Variants in CFLAR observed in about 807,000 individuals in gnomAD.
CFLAR encodes CASP8 and FADD-like apoptosis regulator.
Under a neutral mutation model 51.1 loss-of-function variants are expected in CFLAR, and 14 were observed. The observed-to-expected ratio is 0.27, with a 90% CI of 0.18 to 0.43. The LOEUF (loss-of-function observed/expected upper bound fraction) is 0.43, where lower values mean the gene tolerates loss of function less well. Ranked by LOEUF, CFLAR falls within the 20% of genes least tolerant of loss-of-function variation. The pLI, the probability that CFLAR is intolerant of heterozygous loss-of-function variation, is 1.00. For missense variants in CFLAR, 390 were observed against 566.5 expected, an observed-to-expected ratio of 0.69 and a Z score of 3.16; for synonymous variants, 210 against 211.6, an observed-to-expected ratio of 0.99 and a Z score of 0.06.
At chr2:201,151,059 T>C (rs915306137) in intron 8 of CFLAR, 3 of 152,208 alleles carry the variant, frequency 2.0e-5, no homozygotes, top group Non-Finnish European at 4.4e-5. Flanking sequence ...AAAGCTTTCC[T>C]GGGAACATTA....
At chr2:201,125,841 C>G (rs1326937642) in intron 1 of CFLAR, among the ~76,000 whole-genome samples, 3 of 152,066 alleles carry the variant, frequency 2.0e-5, no homozygotes, top group Non-Finnish European at 4.4e-5. Flanking sequence ...TCGGAACTTG[C>G]TACTGGAGGT....
rs779928815 is a variant in CFLAR, at chr2:201,130,151, T to A, written c.281+5T>A. ...TCACCTTGTTTCGGACTATAGGTAA[T>A]TCATCAACTCTTCCTGAGGCTGGGT... On this transcript the variant is annotated splice_donor_5th_base_variant and intron_variant, in intron 2 of 9. Transcript: ENST00000309955. The A allele has an allele frequency of 1.0e-6, 1 of 987,610 alleles. No homozygotes were observed. The highest frequency in any genetic ancestry group is 1.4e-6 in the Non-Finnish European group (1 of 714,258). 61.2% of individuals were successfully genotyped at this position (987,610 alleles called of 1,614,324 possible).
chr2:201,123,402 G>A (rs2048374392), intron 1 of CFLAR, among the ~76,000 whole-genome samples: 1 of 152,206 alleles, frequency 6.6e-6, no homozygotes, highest in Admixed American at 6.5e-5. Flanking sequence ...AGATCAAGGT[G>A]CTGACATCTG....
At position 201,160,934 on chromosome 2, in the gene CFLAR, A is replaced by G. The variant is rs779340372; in HGVS notation, c.1296A>G (p.Arg432=). ...TGCAGTGCCTCTCCCAGAAACTGAG[A>G]CAAGAAAGGTGAGCCCCCAGGAGGT... ...LYLQCLSQKL[R]QERKRPLLDL... The change falls in exon 9 of 10, where the codon AGA becomes AGG. Residue 432 remains arginine, a synonymous_variant. Transcript: ENST00000309955. The G allele has an allele frequency of 1.9e-6, 3 of 1,611,202 alleles. No individual in the cohort carries two copies. Among genetic ancestry groups the G allele is most frequent in the South Asian group, 2.2e-5 (2 of 91,038 alleles).
At chr2:201,151,183 G>A (rs895299161) in intron 8 of CFLAR, 4 of 152,130 alleles carry the variant, frequency 2.6e-5, no homozygotes, top group East Asian at 1.9e-4. Flanking sequence ...CTATCTGCGC[G>A]TCACCATTGC....
chr2:201,129,665 A>T, intron 1 of CFLAR, 64 bp from the exon 2 acceptor site: 1 of 555,864 alleles, frequency 1.8e-6, no homozygotes, highest in Non-Finnish European at 3.2e-6. Context: ...AAGAGCCCAT[A>T]CTTTCAATCT....
At chr2:201,120,955 A>G (rs2048138757) in intron 1 of CFLAR, among the ~76,000 whole-genome samples, 1 of 152,190 alleles carries the variant, frequency 6.6e-6, no homozygotes, top group Non-Finnish European at 1.5e-5. Context: ...AGTTAAATGA[A>G]AAAAGTAACT....
At chr2:201,144,473 C>T (rs190592056) in intron 5 of CFLAR, among the ~76,000 whole-genome samples, 1 of 152,358 alleles carries the variant, frequency 6.6e-6, no homozygotes, top group East Asian at 1.9e-4. Context: ...TATGTACTTC[C>T]ATGTGCTTGG....
At position 201,138,456 on chromosome 2, in the gene CFLAR, C is replaced by G; in HGVS notation, c.524-1901C>G. ...GGCAGCTTCCTTTCTTACTAAGCTG[C>G]AGGATCTCATTTGCCTCTTTCAACC... On this transcript the variant is annotated intron_variant, in intron 4 of 9. Transcript: ENST00000309955. This position sits in a 1 kb window ranked among gnomAD's most constrained non-coding sequence, Gnocchi z 4.0. The G allele has an allele frequency of 2.3e-6, 2 of 880,742 alleles. No individual in the cohort carries two copies. The highest frequency in any genetic ancestry group is 3.9e-6 in the Non-Finnish European group (2 of 519,254). 54.6% of individuals were successfully genotyped at this position (880,742 alleles called of 1,614,324 possible).
rs537959020 is a variant in CFLAR at position 201,172,137 on chromosome 2, C to T, written c.*8164C>T. ...TGTAGCTCAAGTGCAGAATTCTCAT[C>T]AGTTTTATCTTTATATCTCTCCTAA... On this transcript the variant is annotated 3_prime_UTR_variant, in exon 10 of 10. Transcript: ENST00000309955. The T allele has an allele frequency of 6.6e-6, 1 of 152,262 alleles. No homozygotes were observed. The highest frequency in any genetic ancestry group is 2.1e-4 in the South Asian group (1 of 4,822). The allele number at this position is 152,262 out of a possible 1,614,324, so 9.4% of individuals were successfully genotyped here.
chr2:201,141,231 A>T, intron 5 of CFLAR: 1 of 1,060,356 alleles, frequency 9.4e-7, no homozygotes, highest in South Asian at 2.5e-5. Context: ...ACTCTGTCTC[A>T]AAAAAAATGT....
At chr2:201,140,771 A>T (rs927019938) in intron 5 of CFLAR, 19 of 165,006 alleles carry the variant, frequency 1.2e-4, no homozygotes, top group Middle Eastern at 6.1e-3. Flanking sequence ...ATATATATAT[A>T]TATATACATA....
chr2:201,162,898 T>C, intron 9 of CFLAR: 1 of 633,392 alleles, frequency 1.6e-6, no homozygotes. Flanking sequence ...ATTTACTTGA[T>C]CAATCTTCAG....
Position 201,138,031 on chromosome 2 carries a change from C to T in CFLAR, c.523+1924C>T. 4.1e-6 allele frequency: 3 copies of T among 727,442 alleles called. No individual in the cohort carries two copies. The highest frequency in any genetic ancestry group is 7.6e-6 in the Non-Finnish European group (3 of 392,182). The allele number at this position is 727,442 out of a possible 1,614,324, so 45.1% of individuals were successfully genotyped here. On this transcript the variant is annotated intron_variant, in intron 4 of 9. Transcript: ENST00000309955. The surrounding 1 kb of genome is among the most constrained non-coding windows in gnomAD (Gnocchi z 4.0). Reference sequence around the variant, plus strand: ...TTGGCCACCTTGTACACAGCAGTGCCCTGGGGCTGACTGCAGGCTATCACT... The same window carrying T: ...TTGGCCACCTTGTACACAGCAGTGCTCTGGGGCTGACTGCAGGCTATCACT...
chr2:201,135,073 CCTGTTT>C (rs1349042461), intron 3 of CFLAR, among the ~76,000 whole-genome samples: 1 of 152,170 alleles, frequency 6.6e-6, no homozygotes, highest in Non-Finnish European at 1.5e-5. Flanking sequence ...CAAAGCAATG[CCTGTTT>C]CTGAAATATC....
chr2:201,162,944 A>G (rs994144632), intron 9 of CFLAR: 18 of 698,164 alleles, frequency 2.6e-5, no homozygotes, highest in Non-Finnish European at 3.7e-5. Flanking sequence ...CGAAGTAAGT[A>G]TTAAACATCC....
rs554467342 is a variant in CFLAR at position 201,145,574 on chromosome 2, G to A, written c.661+142G>A. 6.1e-4 allele frequency: 378 copies of A among 615,836 alleles called. 3 individuals carry two copies. Among genetic ancestry groups the A allele is most frequent in the Non-Finnish European group, 1.0e-3 (347 of 343,940 alleles). The allele number at this position is 615,836 out of a possible 1,614,324, so 38.1% of individuals were successfully genotyped here. On this transcript the variant is annotated intron_variant, in intron 6 of 9. Transcript: ENST00000309955. ...AAATAAAAACTGGTTAAACTCTTAC[G>A]ATAGACTCATTGGCATTTCTAGTTG...
chr2:201,175,647 T>C lies in CFLAR; in HGVS notation c.*11674T>C, dbSNP rs553359513. 8.5e-5 allele frequency: 13 copies of C among 152,218 alleles called. No homozygotes were observed. The highest frequency in any genetic ancestry group is 2.9e-4 in the African/African-American group (12 of 41,526). The allele number at this position is 152,218 out of a possible 1,614,324, so 9.4% of individuals were successfully genotyped here. On this transcript the variant is annotated 3_prime_UTR_variant, in exon 10 of 10. Coordinates refer to ENST00000309955, the MANE Select transcript of CFLAR (RefSeq NM_003879.7). ...TCAAAATAAAAATAAATTTGAGGTG[T>C]ATTGCCATCTTAACGGAAGTTGTTA...
At chr2:201,133,787 C>T (rs536487694) in intron 3 of CFLAR, among the ~76,000 whole-genome samples, 9 of 151,354 alleles carry the variant, frequency 5.9e-5, no homozygotes, top group Non-Finnish European at 1.2e-4. Context: ...AAAAAGTAGC[C>T]GGGTGTGGTG....
Sources: allele counts gnomAD v4.1 joint callset (sites outside exome capture counted in the v4.1 genomes callset), GRCh38; gene constraint gnomAD v4.1.1; non-coding constraint Gnocchi (gnomAD v3.1); transcripts MANE v1.5; gene names NCBI Gene and HGNC (gene_info 2026-07-23, HGNC 2026-07-21).